The following MTDH variants were observed in gnomAD, a reference collection of about 807,000 sequenced individuals.
MTDH encodes protein LYRIC.
Under a neutral mutation model 72.7 loss-of-function variants are expected in MTDH, and 34 were observed. That is an observed-to-expected ratio of 0.47 (90% confidence interval 0.36 to 0.62). The LOEUF (loss-of-function observed/expected upper bound fraction) is 0.62, where lower values mean the gene tolerates loss of function less well. Ranked by LOEUF, MTDH falls within the 20% of genes least tolerant of loss-of-function variation. The pLI is 0.00. For missense variants in MTDH, 677 were observed against 699.4 expected (o/e 0.97, Z 0.36); for synonymous variants, 266 against 268.9 (o/e 0.99, Z 0.10).
intron 6 of MTDH, among the ~76,000 whole-genome samples, chr8:97,697,541 A>G (rs1239175166): frequency 6.6e-6 from 1 of 151,536 alleles, no homozygotes; most frequent in Non-Finnish European, 1.5e-5. Flanking sequence ...ACGTGCCACC[A>G]CACCCGGCTA....
chr8:97,724,870 GTGATGGAAGACACT>G lies in MTDH; in HGVS notation c.*203_*216del. On this transcript the variant is annotated 3_prime_UTR_variant, in exon 12 of 12. Transcript: ENST00000336273. ...TTAAGAGGTCAGCAGAATATACTCA[GTGATGGAAGACACT>G]TGGGAAAGTCTTTTTAATAGAACAA... The G allele has an allele frequency of 2.4e-6, 1 of 418,282 alleles. No individual in the cohort carries two copies. The highest frequency in any genetic ancestry group is 4.2e-6 in the Non-Finnish European group (1 of 236,978). 25.9% of individuals were successfully genotyped at this position (418,282 alleles called of 1,614,324 possible).
intron 7 of MTDH, among the ~76,000 whole-genome samples, chr8:97,704,361 A>G (rs1410079465): frequency 6.6e-6 from 1 of 152,216 alleles, no homozygotes; most frequent in Non-Finnish European, 1.5e-5. Flanking sequence ...GTAAGTGCTT[A>G]ATAAGGATTG....
At chr8:97,648,770 G>A (rs1249952059) in intron 1 of MTDH, among the ~76,000 whole-genome samples, 4 of 152,148 alleles carry the variant, frequency 2.6e-5, no homozygotes, top group Admixed American at 6.5e-5. Context: ...AAATAATAGT[G>A]TTTCCTTTTG....
chr8:97,729,999 C>T lies in MTDH; in HGVS notation c.*5329C>T, dbSNP rs192902266. On this transcript the variant is annotated 3_prime_UTR_variant, in exon 12 of 12. Transcript: ENST00000336273. ...TTCTGGTCTAAGTACTCTAACAGGA[C>T]GATGATTTCTAACCCTAGCATCATG... Among the ~76,000 whole-genome samples the T allele has an allele frequency of 3.9e-5, 6 of 152,236 alleles. No homozygotes were observed. The highest frequency in any genetic ancestry group is 3.9e-4 in the East Asian group (2 of 5,188).
intron 7 of MTDH, among the ~76,000 whole-genome samples, chr8:97,701,118 G>A (rs80345281): frequency 0.014 from 2,135 of 152,100 alleles, 32 homozygotes; most frequent in South Asian, 0.027. Flanking sequence ...CTGTAAAATC[G>A]AGCAAATAAT....
chr8:97,648,884 AT>A (rs1188067636), intron 1 of MTDH, among the ~76,000 whole-genome samples: 1 of 152,070 alleles, frequency 6.6e-6, no homozygotes, highest in African/African-American at 2.4e-5. Flanking sequence ...GCTTACTCCT[AT>A]TATTCATGCT....
intron 1 of MTDH, among the ~76,000 whole-genome samples, chr8:97,650,801 C>T (rs1187972842): frequency 2.0e-5 from 3 of 152,092 alleles, no homozygotes; most frequent in African/African-American, 7.2e-5. Flanking sequence ...GTGATCTTGG[C>T]TCTCTGCAAC....
Position 97,708,569 on chromosome 8 carries a change from A to G in MTDH, c.1272+1819A>G, listed in dbSNP as rs1267083610. ...AGTGCTGGGATTACAGGCATGAGCC[A>G]CCATGCCAGGCCTTTTTTTTTTTTT... On this transcript the variant is annotated intron_variant, in intron 8 of 11. Transcript: ENST00000336273. Among the ~76,000 whole-genome samples, 8 of 91,902 alleles carry G rather than the reference A, an allele frequency of 8.7e-5. 1 individual carries two copies. The Admixed American group carries it at 1.0e-3, about 12-fold the overall frequency. The allele number at this position is 91,902 out of a possible 152,430, so 60.3% of individuals were successfully genotyped here. A position where few individuals can be genotyped will look rare whatever the true frequency, so the allele number is the denominator to read the frequency against.
Position 97,671,132 on chromosome 8 carries a change from A to G in MTDH, c.483+9959A>G, listed in dbSNP as rs541702651. On this transcript the variant is annotated intron_variant, in intron 2 of 11. Transcript: ENST00000336273. ...AGGCGCCCACCACCGCGCCCGGCTA[A>G]TTTTTTGTATTTTTAGTAGAGACGG... 3.3e-3 allele frequency among the ~76,000 whole-genome samples: 507 copies of G among 151,702 alleles called. 1 individual carries two copies. The highest frequency in any genetic ancestry group is 6.4e-3 in the Admixed American group (97 of 15,234).
chr8:97,665,139 G>A (rs1304407354), intron 2 of MTDH, among the ~76,000 whole-genome samples: 3 of 151,942 alleles, frequency 2.0e-5, no homozygotes, highest in Admixed American at 6.6e-5. Flanking sequence ...TTTTGCTCTC[G>A]GAGCCATATC....
chr8:97,652,210 C>T (rs1365942034), intron 1 of MTDH, among the ~76,000 whole-genome samples: 1 of 152,200 alleles, frequency 6.6e-6, no homozygotes, highest in Non-Finnish European at 1.5e-5. Flanking sequence ...ATCTAAATCT[C>T]TTTCCATGGC....
intron 10 of MTDH, among the ~76,000 whole-genome samples, 164 bp from the exon 11 acceptor site, chr8:97,722,715 T>C (rs1242561184): frequency 6.6e-6 from 1 of 152,244 alleles, no homozygotes; most frequent in Non-Finnish European, 1.5e-5. Flanking sequence ...TAGGTGATGA[T>C]TGATTTGGCT....
intron 2 of MTDH, among the ~76,000 whole-genome samples, chr8:97,669,100 T>G (rs186240097): frequency 4.6e-5 from 7 of 152,346 alleles, no homozygotes; most frequent in Admixed American, 3.9e-4. Flanking sequence ...AATTTACTTG[T>G]TTTAAATGTG....
chr8:97,698,699 A>G (rs985481513), intron 6 of MTDH, among the ~76,000 whole-genome samples: 2 of 152,248 alleles, frequency 1.3e-5, no homozygotes, highest in Non-Finnish European at 2.9e-5. Context: ...AAAAGATGCT[A>G]GCTAACTCAG....
chr8:97,702,282 G>T (rs988462352), intron 7 of MTDH, among the ~76,000 whole-genome samples: 1 of 152,144 alleles, frequency 6.6e-6, no homozygotes, highest in Admixed American at 6.5e-5. Context: ...GAATGAATTC[G>T]CTTCAGCATA....
chr8:97,655,023 C>T (rs986622328), intron 1 of MTDH, among the ~76,000 whole-genome samples: 2 of 149,794 alleles, frequency 1.3e-5, no homozygotes, highest in Non-Finnish European at 3.0e-5. Flanking sequence ...GCCTGGGAGG[C>T]GGAGGTTGCA....
chr8:97,717,041 G>T (rs1210768529), intron 9 of MTDH, among the ~76,000 whole-genome samples: 2 of 152,044 alleles, frequency 1.3e-5, no homozygotes, highest in East Asian at 3.9e-4. Context: ...GTTCAACTTG[G>T]GATGGAAATA....
At chr8:97,686,537 G>A (rs1813370660) in intron 2 of MTDH, 131 bp from the exon 3 acceptor site, 2 of 442,254 alleles carry the variant, frequency 4.5e-6, no homozygotes, top group African/African-American at 2.1e-5. Flanking sequence ...CACTTAATAT[G>A]TTAAGTTTTT....
At chr8:97,671,396 GAC>G (rs1238674368) in intron 2 of MTDH, among the ~76,000 whole-genome samples, 1 of 152,090 alleles carries the variant, frequency 6.6e-6, no homozygotes, top group Non-Finnish European at 1.5e-5. Flanking sequence ...TCTTAAGGTA[GAC>G]ATTAAAGATA....
Sources: allele counts gnomAD v4.1 joint callset (sites outside exome capture counted in the v4.1 genomes callset), GRCh38; gene constraint gnomAD v4.1.1; transcripts MANE v1.5; gene names NCBI Gene and HGNC (gene_info 2026-07-23, HGNC 2026-07-21).